The following ZMAT3 variants were observed in gnomAD, a reference collection of about 807,000 sequenced individuals.
ZMAT3 encodes the protein zinc finger matrin-type protein 3.
Under a neutral mutation model 32.3 loss-of-function variants are expected in ZMAT3, and 17 were observed. That is an observed-to-expected ratio of 0.53 (90% CI 0.36 to 0.79). ZMAT3 has a LOEUF of 0.79. Ranked by LOEUF, ZMAT3 falls within the 30% of genes least tolerant of loss-of-function variation. The pLI, the probability that ZMAT3 is intolerant of heterozygous loss-of-function variation, is 0.00. For missense variants in ZMAT3, 329 were observed against 359.7 expected (o/e 0.91, Z 0.69); for synonymous variants, 120 against 133.1 (o/e 0.90, Z 0.68).
At chr3:179,030,820 C>G in intron 3 of ZMAT3, 60 bp downstream of exon 3, 4 of 1,565,142 alleles carry the variant, frequency 2.6e-6, no homozygotes, top group Non-Finnish European at 3.5e-6. Context: ...CATCTATAAC[C>G]ATTTGTGCAT....
At chr3:179,037,068 T>C (rs1255607655) in intron 2 of ZMAT3, among the ~76,000 whole-genome samples, 1 of 152,024 alleles carries the variant, frequency 6.6e-6, no homozygotes, top group East Asian at 1.9e-4. Flanking sequence ...GCTGAGAGCT[T>C]TCCTTCTATT....
At chr3:179,056,332 G>A (rs959540796) in intron 2 of ZMAT3, among the ~76,000 whole-genome samples, 1 of 126,402 alleles carries the variant, frequency 7.9e-6, no homozygotes, top group East Asian at 2.0e-4. Flanking sequence ...AAAAAAAAAA[G>A]GGGGGGTCCA....
chr3:179,025,208 G>C lies in ZMAT3; in HGVS notation c.679C>G (p.Arg227Gly). The change falls in exon 6 of 6, where the codon CGC becomes GGC. Residue 227 changes from arginine to glycine, a missense_variant. Transcript: ENST00000311417. The stretch of plus-strand genomic sequence containing the variant: ...TCACGTGGAATTCTCTGCCGAGAGC[G>C]GGGATTGAAGTAAGGACCTGCTAAA... ...NNSAGPYFNP[R>G]SRQRIPRDLA... is the part of the protein sequence containing the mutation. 1 of 1,613,878 alleles carries C rather than the reference G, an allele frequency of 6.2e-7. No individual in the cohort carries two copies. The highest frequency in any genetic ancestry group is 8.5e-7 in the Non-Finnish European group (1 of 1,179,860).
chr3:179,052,758 T>A (rs1024244915), intron 2 of ZMAT3, among the ~76,000 whole-genome samples: 4 of 152,096 alleles, frequency 2.6e-5, no homozygotes, highest in African/African-American at 9.7e-5. Context: ...AACGTGTGGA[T>A]AAAGAAAATG....
At position 179,020,644 on chromosome 3, in the gene ZMAT3, T is replaced by C. The variant is rs6790867; in HGVS notation, c.*4373A>G. ...TGTCCTAGCATATGCCTCACCAAGT[T>C]CTTTAAAGGGCATTTCCAACCTTAG... On this transcript the variant is annotated 3_prime_UTR_variant, in exon 6 of 6. Coordinates refer to ENST00000311417, the MANE Select transcript of ZMAT3 (RefSeq NM_022470.4). 124,192 of 152,230 alleles carry C rather than the reference T, an allele frequency of 0.82. 51,059 individuals are homozygous for C. Among genetic ancestry groups the C allele is most frequent in the East Asian group, 0.94 (4,868 of 5,182 alleles). The allele number at this position is 152,230 out of a possible 1,614,324, so 9.4% of individuals were successfully genotyped here. A position where few individuals can be genotyped will look rare whatever the true frequency, so the allele number is the denominator to read the frequency against.
intron 1 of ZMAT3, chr3:179,071,247 G>C (rs1721696809): frequency 6.6e-6 from 1 of 152,244 alleles, no homozygotes; most frequent in South Asian, 2.1e-4. Flanking sequence ...TTGAATCAAA[G>C]CTACAGACAG....
intron 2 of ZMAT3, among the ~76,000 whole-genome samples, chr3:179,058,794 G>A (rs774022070): frequency 1.3e-5 from 2 of 150,544 alleles, no homozygotes; most frequent in Admixed American, 6.6e-5. Flanking sequence ...AAAGGACTTC[G>A]AAGAGTAGGG....
At position 179,046,756 on chromosome 3, in the gene ZMAT3, C is replaced by G. The variant is rs896867352; in HGVS notation, c.271-15757G>C. ...CAGCTTTCCCCCAATTCCCTGGTGA[C>G]CTGTGTGACACAGCAGAGGCAGCCA... On this transcript the variant is annotated intron_variant, in intron 2 of 5. Transcript: ENST00000311417. The surrounding 1 kb of genome is among the most constrained non-coding windows in gnomAD (Gnocchi z 4.3). Among the ~76,000 whole-genome samples, 4 of 152,166 alleles carry G rather than the reference C, an allele frequency of 2.6e-5. No individual in the cohort carries two copies. The highest frequency in any genetic ancestry group is 5.9e-5 in the Non-Finnish European group (4 of 68,020).
chr3:179,070,142 A>G (rs965808796), intron 1 of ZMAT3, among the ~76,000 whole-genome samples: 4 of 152,218 alleles, frequency 2.6e-5, no homozygotes, highest in African/African-American at 9.6e-5. Flanking sequence ...CTCTGGATAA[A>G]GGAAATCAGC....
intron 2 of ZMAT3, among the ~76,000 whole-genome samples, 167 bp downstream of exon 2, chr3:179,067,310 CTTATTT>C (rs1401248173): frequency 6.6e-6 from 1 of 152,190 alleles, no homozygotes; most frequent in Non-Finnish European, 1.5e-5. Context: ...AAAAGTGATA[CTTATTT>C]TTAAAGTAAA....
intron 2 of ZMAT3, among the ~76,000 whole-genome samples, chr3:179,033,672 A>G (rs1048020868): frequency 8.5e-5 from 13 of 152,228 alleles, no homozygotes; most frequent in African/African-American, 3.1e-4. Flanking sequence ...AATGTACTTT[A>G]TAAGTTAGTA....
chr3:179,056,160 C>T (rs994455199), intron 2 of ZMAT3, among the ~76,000 whole-genome samples: 4 of 152,140 alleles, frequency 2.6e-5, no homozygotes, highest in Non-Finnish European at 4.4e-5. Context: ...GCCAACTAAT[C>T]TTAAAGGATA....
Position 179,051,750 on chromosome 3 carries a change from A to G in ZMAT3, c.270+15733T>C, listed in dbSNP as rs546419246. On this transcript the variant is annotated intron_variant, in intron 2 of 5. Coordinates refer to ENST00000311417, the MANE Select transcript of ZMAT3 (RefSeq NM_022470.4). ...GACTAAGCAAAAAGAACAAATCTAG[A>G]GGTCTTACATTACCTGACTTCAAAC... 1.3e-3 allele frequency among the ~76,000 whole-genome samples: 198 copies of G among 152,346 alleles called. 1 individual carries two copies. Among genetic ancestry groups the G allele is most frequent in the Middle Eastern group, 3.4e-3 (1 of 294 alleles).
At position 179,071,719 on chromosome 3, in the gene ZMAT3, C is replaced by T. The variant is rs150762965; in HGVS notation, c.-182G>A. 396 of 152,944 alleles carry T rather than the reference C, an allele frequency of 2.6e-3. No homozygotes were observed. Among genetic ancestry groups the T allele is most frequent in the African/African-American group, 9.1e-3 (377 of 41,574 alleles). 9.5% of individuals were successfully genotyped at this position (152,944 alleles called of 1,614,324 possible). A position where few individuals can be genotyped will look rare whatever the true frequency, so the allele number is the denominator to read the frequency against. On this transcript the variant is annotated 5_prime_UTR_variant, in exon 1 of 6. Coordinates refer to ENST00000311417, the MANE Select transcript of ZMAT3 (RefSeq NM_022470.4). Reference sequence around the variant, plus strand: ...CTCTTCTCGGAGCAACTTTCTCCGCCGGCCGCCGCCGAGCCCCCTCCGCAG... The same window carrying T: ...CTCTTCTCGGAGCAACTTTCTCCGCTGGCCGCCGCCGAGCCCCCTCCGCAG...
chr3:179,049,925 G>C (rs1269275510), intron 2 of ZMAT3, among the ~76,000 whole-genome samples: 2 of 142,016 alleles, frequency 1.4e-5, no homozygotes, highest in Non-Finnish European at 3.0e-5. Context: ...CTGGGAGGCA[G>C]AGCTGGCAGT....
Position 179,023,724 on chromosome 3 carries a change from T to A in ZMAT3, c.*1293A>T, listed in dbSNP as rs372169251. 2.1e-4 allele frequency: 5 copies of A among 23,494 alleles called. 1 individual carries two copies. 1.5% of individuals were successfully genotyped at this position (23,494 alleles called of 1,614,324 possible). A position where few individuals can be genotyped will look rare whatever the true frequency, so the allele number is the denominator to read the frequency against. On this transcript the variant is annotated 3_prime_UTR_variant, in exon 6 of 6. Transcript: ENST00000311417. ...TATATATATATATTTTTTTTTTTTT[T>A]TTTTTTTTTTTTTTGAGACGGAGTC...
In ZMAT3 at chr3:179,021,538, T is replaced by TG. The variant is rs1428566017; in HGVS notation, c.*3478_*3479insC. 6.6e-6 allele frequency: 1 copy of TG among 151,444 alleles called. No individual in the cohort carries two copies. The highest frequency in any genetic ancestry group is 2.5e-5 in the African/African-American group (1 of 40,754). 9.4% of individuals were successfully genotyped at this position (151,444 alleles called of 1,614,324 possible). On this transcript the variant is annotated 3_prime_UTR_variant, in exon 6 of 6. Coordinates refer to ENST00000311417, the MANE Select transcript of ZMAT3 (RefSeq NM_022470.4). ...CTATGGATGATTACCGAAATCTAAG[T>TG]ATTTTTTTTTCTAATTTTTGTTGTT... is the stretch of plus-strand genomic sequence containing the variant.
chr3:179,066,207 G>C (rs1468478771), intron 2 of ZMAT3, among the ~76,000 whole-genome samples: 2 of 152,250 alleles, frequency 1.3e-5, no homozygotes, highest in East Asian at 3.9e-4. Context: ...GGTGATGAGA[G>C]TACGTACTGG....
chr3:179,070,113 T>TGG (rs552616764), intron 1 of ZMAT3, among the ~76,000 whole-genome samples: 20 of 144,348 alleles, frequency 1.4e-4, no homozygotes, highest in South Asian at 6.7e-4. Flanking sequence ...AGTGAAAAGG[T>TGG]GGGGGGGGGT....
Sources: gnomAD v4.1 joint callset for allele counts (sites outside exome capture counted in the v4.1 genomes callset) on GRCh38, gnomAD v4.1.1 for gene constraint, Gnocchi (gnomAD v3.1) non-coding constraint, MANE v1.5 for transcripts, NCBI Gene and HGNC (gene_info 2026-07-23, HGNC 2026-07-21) for gene names.